Variants in DDX31 observed in about 807,000 individuals in gnomAD.
DDX31 encodes the protein DEAD-box helicase 31, also known as ATP-dependent DNA helicase DDX31.
Under a neutral mutation model 91.3 loss-of-function variants are expected in DDX31, and 70 were observed. The observed-to-expected ratio is 0.77, with a 90% CI of 0.63 to 0.94. DDX31 has a LOEUF of 0.94. DDX31 is among the 40% of genes least tolerant of loss of function. DDX31 has a pLI of 0.00. For missense variants in DDX31, 902 were observed against 925.0 expected, an observed-to-expected ratio of 0.98 and a Z score of 0.32; for synonymous variants, 362 against 350.6, an observed-to-expected ratio of 1.03 and a Z score of -0.36.
rs192755822 is a variant in DDX31 at position 132,653,977 on chromosome 9, A to T, written c.589-1485T>A. Among the ~76,000 whole-genome samples, 430 of 152,320 alleles carry T rather than the reference A, an allele frequency of 2.8e-3. 1 individual carries two copies. The highest frequency in any genetic ancestry group is 5.3e-3 in the Non-Finnish European group (358 of 68,018). The stretch of plus-strand genomic sequence containing the variant: ...TAATAGCAAATAAAGTTGAGAATAG[A>T]ATCAAATAGATAACAAAATTTAGAA... On this transcript the variant is annotated intron_variant, in intron 6 of 19. Coordinates refer to ENST00000372159, the MANE Select transcript of DDX31 (RefSeq NM_022779.9).
At chr9:132,616,233 C>T (rs1831619052) in intron 18 of DDX31, among the ~76,000 whole-genome samples, 1 of 152,180 alleles carries the variant, frequency 6.6e-6, no homozygotes, top group Non-Finnish European at 1.5e-5. Context: ...CATTATCAAT[C>T]TGGTGTGGAA....
chr9:132,611,937 G>A (rs1244360258), intron 19 of DDX31, 150 bp downstream of exon 19: 17 of 1,132,426 alleles, frequency 1.5e-5, no homozygotes, highest in Non-Finnish European at 1.8e-5. Context: ...GCAAGATGAG[G>A]TGGCTTTCTT....
chr9:132,640,335 C>T (rs1045818200), intron 14 of DDX31, among the ~76,000 whole-genome samples: 6 of 151,956 alleles, frequency 3.9e-5, no homozygotes, highest in Non-Finnish European at 8.8e-5. Flanking sequence ...AATCAAGGCC[C>T]CAAAGCTAGA....
chr9:132,619,637 T>C (rs993219140), intron 17 of DDX31, among the ~76,000 whole-genome samples: 4 of 152,222 alleles, frequency 2.6e-5, no homozygotes, highest in Non-Finnish European at 5.9e-5. Flanking sequence ...TCCTGCTACC[T>C]GTTTGGTTGA....
At chr9:132,649,494 C>T (rs1474188847) in intron 9 of DDX31, among the ~76,000 whole-genome samples, 5 of 152,180 alleles carry the variant, frequency 3.3e-5, no homozygotes, top group Admixed American at 3.3e-4. Flanking sequence ...AGCTTGGTCC[C>T]CGACACTGGA....
chr9:132,638,981 C>T (rs891826949), intron 14 of DDX31, among the ~76,000 whole-genome samples: 1 of 152,162 alleles, frequency 6.6e-6, no homozygotes, highest in Non-Finnish European at 1.5e-5. Flanking sequence ...ATTAACAGCA[C>T]GATTCTTCTT....
At chr9:132,619,437 C>T (rs1473794647) in intron 17 of DDX31, among the ~76,000 whole-genome samples, 1 of 152,110 alleles carries the variant, frequency 6.6e-6, no homozygotes, top group African/African-American at 2.4e-5. Context: ...GCTGCTTAAC[C>T]TTGTAGAGGA....
intron 1 of DDX31, among the ~76,000 whole-genome samples, chr9:132,668,864 G>A (rs1320927821): frequency 6.6e-6 from 1 of 152,196 alleles, no homozygotes; most frequent in Non-Finnish European, 1.5e-5. Context: ...CACCGCGCCC[G>A]GCCGCGGCTT....
Position 132,594,687 on chromosome 9 carries a change from T to C in DDX31, c.*179A>G. ...TCTCTACAGTGCCCCACACCACTGA[T>C]TTCTATCAGGCTCCAGGGCCTCCCA... is the stretch of plus-strand genomic sequence containing the variant. On this transcript the variant is annotated 3_prime_UTR_variant, in exon 20 of 20. Transcript: ENST00000372159. 9.5e-7 allele frequency: 1 copy of C among 1,054,710 alleles called. No individual in the cohort carries two copies. The highest frequency in any genetic ancestry group is 1.6e-5 in the African/African-American group (1 of 62,818). 65.3% of individuals were successfully genotyped at this position (1,054,710 alleles called of 1,614,324 possible). A position where few individuals can be genotyped will look rare whatever the true frequency, so the allele number is the denominator to read the frequency against.
At chr9:132,597,328 C>T (rs1257794626) in intron 19 of DDX31, among the ~76,000 whole-genome samples, 2 of 152,156 alleles carry the variant, frequency 1.3e-5, no homozygotes, top group Admixed American at 6.5e-5. Context: ...GTTGGGCGCA[C>T]TCAACTTGTT....
At chr9:132,636,879 C>T (rs544626302) in intron 14 of DDX31, among the ~76,000 whole-genome samples, 112 of 152,164 alleles carry the variant, frequency 7.4e-4, no homozygotes, top group Non-Finnish European at 1.5e-3. Context: ...GTCCAATCTG[C>T]GTGGGTCAGT....
At chr9:132,602,968 A>G (rs1589962328) in intron 19 of DDX31, among the ~76,000 whole-genome samples, 1 of 152,182 alleles carries the variant, frequency 6.6e-6, no homozygotes, top group South Asian at 2.1e-4. Context: ...GAAAGCGGAC[A>G]CGGCCCTTGG....
chr9:132,646,957 C>G lies in DDX31; in HGVS notation c.1069G>C (p.Glu357Gln). The change falls in exon 12 of 20, where the codon GAG (glutamate) becomes CAG (glutamine). Residue 357 changes from glutamate to glutamine, a missense_variant. Glu to Gln is a conservative substitution (Grantham distance 29). Transcript: ENST00000372159. Reference protein sequence around the residue: ...QLNPKDKAVQEVCPPPAGDKL... With the variant: ...QLNPKDKAVQQVCPPPAGDKL... The stretch of plus-strand genomic sequence containing the variant: ...TCGCCAGCTGGTGGAGGACAGACCT[C>G]CTGGACCGCTTTGTCCTTTGGGTTC... 6.2e-7 allele frequency: 1 copy of G among 1,614,212 alleles called. No homozygotes were observed. Among genetic ancestry groups the G allele is most frequent in the Non-Finnish European group, 8.5e-7 (1 of 1,180,038 alleles).
intron 6 of DDX31, among the ~76,000 whole-genome samples, chr9:132,654,065 G>C (rs1296789226): frequency 6.6e-6 from 1 of 152,030 alleles, no homozygotes; most frequent in South Asian, 2.1e-4. Context: ...AGTCCTGTGA[G>C]AAAAAAATAA....
chr9:132,663,628 T>C (rs1485896656), intron 1 of DDX31: 1 of 597,930 alleles, frequency 1.7e-6, no homozygotes, highest in Non-Finnish European at 2.1e-6. Context: ...AGTTTTGGGT[T>C]CTCTCAGAAT....
intron 14 of DDX31, among the ~76,000 whole-genome samples, chr9:132,640,038 CA>C (rs1833391071): frequency 6.6e-6 from 1 of 152,204 alleles, no homozygotes. Context: ...ATTTGATCTA[CA>C]AAACCAAGCG....
chr9:132,626,840 G>A (rs774261766), intron 16 of DDX31, among the ~76,000 whole-genome samples: 2 of 152,038 alleles, frequency 1.3e-5, no homozygotes, highest in Non-Finnish European at 2.9e-5. Flanking sequence ...TCCTCTCTCT[G>A]CTGCCAACTC....
chr9:132,645,163 G>A (rs1016253985), intron 13 of DDX31, among the ~76,000 whole-genome samples: 4 of 151,970 alleles, frequency 2.6e-5, no homozygotes, highest in South Asian at 2.1e-4. Context: ...CTCCTATTTC[G>A]AGTCTTGCTC....
At chr9:132,635,904 G>A (rs536188008) in intron 14 of DDX31, among the ~76,000 whole-genome samples, 2 of 151,692 alleles carry the variant, frequency 1.3e-5, no homozygotes, top group African/African-American at 2.4e-5. Flanking sequence ...AGATTGCGCC[G>A]TTGCACTCCA....
Sources: gnomAD v4.1 joint callset for allele counts (sites outside exome capture counted in the v4.1 genomes callset) on GRCh38, gnomAD v4.1.1 for gene constraint, MANE v1.5 for transcripts, NCBI Gene and HGNC (gene_info 2026-07-23, HGNC 2026-07-21) for gene names.